The following SCAF8 variants were observed in gnomAD, a reference collection of about 807,000 sequenced individuals.
The protein encoded by SCAF8 is SR-related and CTD-associated factor 8.
In SCAF8, 23 loss-of-function variants were observed where a neutral mutation model predicts 140.5. The observed-to-expected ratio is 0.16, with a 90% confidence interval of 0.12 to 0.23. The LOEUF (loss-of-function observed/expected upper bound fraction) is 0.23. Among genes scored for constraint, SCAF8 ranks in the 10% least tolerant of loss-of-function variants. The probability of loss-of-function intolerance (pLI) is 1.00; values close to 1 mark genes in which losing one functional copy is unlikely to be tolerated. For synonymous variants in SCAF8, 575 were observed against 528.9 expected (o/e 1.09, Z -1.20); for missense variants, 1,397 against 1,555.7 (o/e 0.90, Z 1.72).
intron 11 of SCAF8, 82 bp from the exon 12 acceptor site, chr6:154,809,932 AT>A: frequency 9.0e-7 from 1 of 1,115,072 alleles, no homozygotes; most frequent in Non-Finnish European, 1.3e-6. Context: ...CTTTTTTGTT[AT>A]TGTTTTTTCC....
At chr6:154,769,351 A>G (rs535132989) in intron 1 of SCAF8, among the ~76,000 whole-genome samples, 36 of 152,304 alleles carry the variant, frequency 2.4e-4, no homozygotes, top group South Asian at 1.2e-3. Context: ...GTCTGCTACA[A>G]TATGGACTAG....
At chr6:154,804,177 G>A (rs998013006) in intron 8 of SCAF8, among the ~76,000 whole-genome samples, 12 of 152,144 alleles carry the variant, frequency 7.9e-5, no homozygotes, top group Non-Finnish European at 2.9e-5. Context: ...GGAGGCAGGG[G>A]TAGAAGTTGG....
intron 1 of SCAF8, among the ~76,000 whole-genome samples, chr6:154,749,318 T>C (rs1435490547): frequency 6.6e-6 from 1 of 152,216 alleles, no homozygotes; most frequent in Non-Finnish European, 1.5e-5. Flanking sequence ...TGAGATTGCT[T>C]TAATACAATA....
At chr6:154,789,300 A>T (rs139065992) in intron 4 of SCAF8, among the ~76,000 whole-genome samples, 1 of 151,490 alleles carries the variant, frequency 6.6e-6, no homozygotes, top group Non-Finnish European at 1.5e-5. Context: ...TTTAGTAGAG[A>T]TGGAGTTTTG....
At chr6:154,760,416 C>A (rs550236617) in intron 1 of SCAF8, among the ~76,000 whole-genome samples, 104 of 152,048 alleles carry the variant, frequency 6.8e-4, no homozygotes, top group Non-Finnish European at 4.1e-4. Context: ...CAGATGTTTG[C>A]ATATTTCAGA....
At chr6:154,831,701 C>CT (rs1257868097) in intron 19 of SCAF8, among the ~76,000 whole-genome samples, 15 of 66,082 alleles carry the variant, frequency 2.3e-4, no homozygotes, top group African/African-American at 1.0e-3. Context: ...CACTCCTGTT[C>CT]TTAAAAAAAA....
At chr6:154,801,904 T>A in intron 6 of SCAF8, 67 bp from the exon 7 acceptor site, 2 of 1,100,160 alleles carry the variant, frequency 1.8e-6, no homozygotes, top group Admixed American at 4.9e-5. Flanking sequence ...GACTAAAAGT[T>A]TTAGGTGGCC....
chr6:154,794,779 GGGTGTGTGT>G (rs1777544257), intron 5 of SCAF8, among the ~76,000 whole-genome samples: 2 of 26,350 alleles, frequency 7.6e-5, no homozygotes, highest in African/African-American at 1.8e-4. Flanking sequence ...GGGGTGTGGG[GGGTGTGTGT>G]GTGTGTGTGT....
chr6:154,762,614 C>T (rs1776438658), intron 1 of SCAF8, among the ~76,000 whole-genome samples: 1 of 152,128 alleles, frequency 6.6e-6, no homozygotes, highest in Non-Finnish European at 1.5e-5. Flanking sequence ...AGAATTCTGC[C>T]TGCCAAAGCT....
intron 6 of SCAF8, among the ~76,000 whole-genome samples, chr6:154,800,813 A>G (rs945768822): frequency 6.6e-6 from 1 of 151,564 alleles, no homozygotes; most frequent in African/African-American, 2.4e-5. Context: ...TATTAGCTGT[A>G]TATTAGGTGA....
At chr6:154,736,681 T>C (rs1320141342) in intron 1 of SCAF8, among the ~76,000 whole-genome samples, 2 of 152,344 alleles carry the variant, frequency 1.3e-5, no homozygotes, top group South Asian at 2.1e-4. Flanking sequence ...TTTTTCGTTT[T>C]AATATTAATT....
At position 154,834,214 on chromosome 6, in the gene SCAF8, C is replaced by T. The variant is rs1778834258; in HGVS notation, c.*819C>T. The T allele has an allele frequency of 6.6e-6, 1 of 152,070 alleles. No homozygotes were observed. The highest frequency in any genetic ancestry group is 1.5e-5 in the Non-Finnish European group (1 of 68,020). The allele number at this position is 152,070 out of a possible 1,614,324, so 9.4% of individuals were successfully genotyped here. Reference sequence around the variant, plus strand: ...GTACTTTGATATAAAAATCATGCAGCCTCCTCAGTATGTGTATAATATCTG... The same window carrying T: ...GTACTTTGATATAAAAATCATGCAGTCTCCTCAGTATGTGTATAATATCTG... On this transcript the variant is annotated 3_prime_UTR_variant, in exon 20 of 20. Coordinates refer to ENST00000367178, the MANE Select transcript of SCAF8 (RefSeq NM_014892.5).
chr6:154,757,866 C>T (rs906579492), intron 1 of SCAF8, among the ~76,000 whole-genome samples: 4 of 150,940 alleles, frequency 2.7e-5, no homozygotes, highest in Middle Eastern at 3.3e-3. Flanking sequence ...TTTTTTCCCT[C>T]GAGCAGTGGA....
rs1330893476 is a variant in SCAF8, at chr6:154,833,036, A to C, written c.3457A>C (p.Arg1153=). The C allele has an allele frequency of 1.9e-6, 3 of 1,614,176 alleles. No homozygotes were observed. Among genetic ancestry groups the C allele is most frequent in the Non-Finnish European group, 2.5e-6 (3 of 1,180,020 alleles). The change falls in exon 20 of 20, where the codon AGA becomes CGA. Residue 1153 remains arginine, a synonymous_variant. Coordinates refer to ENST00000367178, the MANE Select transcript of SCAF8 (RefSeq NM_014892.5). ...QEVHRDFDDR[R]RPWERQRDRD... ...AGTTCACAGAGATTTTGATGACCGC[A>C]GAAGACCCTGGGAGAGGCAAAGGGA...
In SCAF8 at chr6:154,833,483, T is replaced by G. The variant is rs1226847772; in HGVS notation, c.*88T>G. 5 of 1,281,106 alleles carry G rather than the reference T, an allele frequency of 3.9e-6. No individual in the cohort carries two copies. In the East Asian group the frequency reaches 1.2e-4, roughly 30 times the overall value. The allele number at this position is 1,281,106 out of a possible 1,614,324, so 79.4% of individuals were successfully genotyped here. ...GCTGACTGGACCATAGTTGTTCACT[T>G]TTGTCTGCCAGAATTAAGTTAATCT... On this transcript the variant is annotated 3_prime_UTR_variant, in exon 20 of 20. Coordinates refer to ENST00000367178, the MANE Select transcript of SCAF8 (RefSeq NM_014892.5).
chr6:154,741,177 T>C (rs554560565), intron 1 of SCAF8, among the ~76,000 whole-genome samples: 4 of 152,172 alleles, frequency 2.6e-5, no homozygotes, highest in Non-Finnish European at 5.9e-5. Flanking sequence ...ACATTAAAAA[T>C]AGAATACAAG....
chr6:154,733,891 C>A lies in SCAF8; in HGVS notation c.-10C>A. 1 of 1,544,250 alleles carries A rather than the reference C, an allele frequency of 6.5e-7. No individual in the cohort carries two copies. Among genetic ancestry groups the A allele is most frequent in the Non-Finnish European group, 8.7e-7 (1 of 1,150,612 alleles). On this transcript the variant is annotated 5_prime_UTR_variant, in exon 1 of 20. Transcript: ENST00000367178. ...TCCGCCGCCGGGCTCGGGGCCTCCG[C>A]AGCGACAACATGGAGGCCGTGAAGA...
chr6:154,734,464 G>A (rs1208177848), intron 1 of SCAF8, among the ~76,000 whole-genome samples: 3 of 152,148 alleles, frequency 2.0e-5, no homozygotes, highest in Admixed American at 6.5e-5. Flanking sequence ...TGCCAGCTAG[G>A]GACTTGAGCT....
In SCAF8 at chr6:154,810,190, A is replaced by C. The variant is rs1462040105; in HGVS notation, c.1402A>C (p.Arg468=). ...ACAGAAAAAGGGATTACCTCCAATT[A>C]GATCTAAAACACTAAGTGGTAAGTA... ...ERQKKGLPPI[R]SKTLSVCSTT... The change falls in exon 12 of 20, where the codon AGA becomes CGA. Residue 468 remains arginine (R), a synonymous_variant. Transcript: ENST00000367178. 1 of 1,609,418 alleles carries C rather than the reference A, an allele frequency of 6.2e-7. No individual in the cohort carries two copies. Among genetic ancestry groups the C allele is most frequent in the Admixed American group, 1.7e-5 (1 of 58,536 alleles).
Sources: gnomAD v4.1 joint callset for allele counts (sites outside exome capture counted in the v4.1 genomes callset) on GRCh38, gnomAD v4.1.1 for gene constraint, MANE v1.5 for transcripts, NCBI Gene and HGNC (gene_info 2026-07-23, HGNC 2026-07-21) for gene names.